The following ZC3H7B variants were observed in gnomAD, a reference collection of about 807,000 sequenced individuals.
The protein encoded by ZC3H7B is zinc finger CCCH domain-containing protein 7B.
In ZC3H7B, 35 loss-of-function variants were observed where a neutral mutation model predicts 116.0. The observed-to-expected ratio is 0.30, with a 90% CI of 0.23 to 0.40. The LOEUF is 0.40. Among genes scored for constraint, ZC3H7B ranks in the 10% least tolerant of loss-of-function variants. The probability of loss-of-function intolerance (pLI) is 1.00; values close to 1 mark genes in which losing one functional copy is unlikely to be tolerated. For missense variants in ZC3H7B, 1,011 were observed against 1,321.5 expected (o/e 0.77, Z 3.64); for synonymous variants, 502 against 545.6 (o/e 0.92, Z 1.11).
chr22:41,331,468 TG>T (rs1190725987), intron 6 of ZC3H7B, among the ~76,000 whole-genome samples: 1 of 143,228 alleles, frequency 7.0e-6, no homozygotes, highest in African/African-American at 2.6e-5. Flanking sequence ...GGCAGGAGAA[TG>T]GTGTGAACCC....
chr22:41,304,442 G>A (rs1039904254), intron 1 of ZC3H7B, among the ~76,000 whole-genome samples: 10 of 152,172 alleles, frequency 6.6e-5, no homozygotes, highest in African/African-American at 2.4e-4. Flanking sequence ...ATGCCTGTCT[G>A]CAAGTTACTT....
rs191811062 is a variant in ZC3H7B, at chr22:41,340,158, G to A, written c.1138+21G>A. ...CATGGGTAAGGCCATGGGTGGGCCC[G>A]TTCAACCTCCCTGGACAGGTTGCAC... On this transcript the variant is annotated intron_variant, in intron 10 of 22. Coordinates refer to ENST00000352645, the MANE Select transcript of ZC3H7B (RefSeq NM_017590.6). The A allele has an allele frequency of 3.3e-4, 523 of 1,578,352 alleles. No individual in the cohort carries two copies. The African/African-American group carries it at 6.1e-3, about 18-fold the overall frequency.
chr22:41,343,582 T>C lies in ZC3H7B; in HGVS notation c.1459+6T>C. On this transcript the variant is annotated splice_donor_region_variant and intron_variant, in intron 13 of 22. Coordinates refer to ENST00000352645, the MANE Select transcript of ZC3H7B (RefSeq NM_017590.6). ...CTCCTACTACCTGTGCAAAGGTGGG[T>C]GGGCTGCAGCGGGGCAGGCAGCACA... 8.2e-6 allele frequency: 13 copies of C among 1,591,374 alleles called. No individual in the cohort carries two copies. Among genetic ancestry groups the C allele is most frequent in the Non-Finnish European group, 1.0e-5 (12 of 1,164,936 alleles).
chr22:41,326,757 C>T (rs182381600), intron 4 of ZC3H7B, among the ~76,000 whole-genome samples: 152 of 152,350 alleles, frequency 1.0e-3, no homozygotes, highest in African/African-American at 3.6e-3. Flanking sequence ...TGCCATCCAG[C>T]GAACTCTTCT....
At chr22:41,335,877 G>C (rs536235574) in intron 7 of ZC3H7B, 2 of 152,984 alleles carry the variant, frequency 1.3e-5, no homozygotes, top group African/African-American at 4.8e-5. Flanking sequence ...ATGATACCTC[G>C]CAGGGCGCCT....
In ZC3H7B at chr22:41,346,226, ACTG is replaced by A; in HGVS notation, c.1665+20_1665+22del. The stretch of plus-strand genomic sequence containing the variant: ...TCTGCGAGGTACTGCCCACCCACCC[ACTG>A]CCACCCCATAGGCCATGGCACAGAC... On this transcript the variant is annotated intron_variant, in intron 14 of 22. Transcript: ENST00000352645. This position sits in a 1 kb window ranked among gnomAD's most constrained non-coding sequence, Gnocchi z 5.3. 6.2e-7 allele frequency: 1 copy of A among 1,605,224 alleles called. No individual in the cohort carries two copies.
chr22:41,345,825 C>G (rs1478296263), intron 13 of ZC3H7B, among the ~76,000 whole-genome samples, 178 bp from the exon 14 acceptor site: 1 of 152,090 alleles, frequency 6.6e-6, no homozygotes, highest in Non-Finnish European at 1.5e-5. Flanking sequence ...GACTTCCCAG[C>G]TCTGCCAAGT....
At chr22:41,336,843 CA>C (rs895756510) in intron 7 of ZC3H7B, 38 of 142,984 alleles carry the variant, frequency 2.7e-4, no homozygotes, top group Admixed American at 3.5e-4. Flanking sequence ...GACTCCATCT[CA>C]AAAAAAAAAA....
rs1484456363 is a variant in ZC3H7B, at chr22:41,358,333, G to C, written c.*904G>C. 6.6e-6 allele frequency: 1 copy of C among 152,384 alleles called. No homozygotes were observed. The highest frequency in any genetic ancestry group is 1.5e-5 in the Non-Finnish European group (1 of 68,188). 9.4% of individuals were successfully genotyped at this position (152,384 alleles called of 1,614,324 possible). On this transcript the variant is annotated 3_prime_UTR_variant, in exon 23 of 23. Transcript: ENST00000352645. ...GCAGCGCTGCCTGGGGGCTGGGGAG[G>C]GGAGGCCCAGAGGAGGGCTGGCCAT...
Position 41,339,150 on chromosome 22 carries a change from G to A in ZC3H7B, c.775G>A (p.Asp259Asn), listed in dbSNP as rs1304022333. The A allele has an allele frequency of 6.2e-7, 1 of 1,612,718 alleles. No individual in the cohort carries two copies. Among genetic ancestry groups the A allele is most frequent in the South Asian group, 1.1e-5 (1 of 90,608 alleles). Residue 259 changes from aspartate to asparagine, a missense_variant, in exon 9 of 23, where the codon GAT becomes AAT. This residue lies in a region of ZC3H7B where 322 missense variants were observed against 443.9 expected (regional missense o/e 0.73). Coordinates refer to ENST00000352645, the MANE Select transcript of ZC3H7B (RefSeq NM_017590.6). ...TDSLDDFSDG[D>N]VFGPELDTLL... The stretch of plus-strand genomic sequence containing the variant: ...CAGCCTGGATGACTTCTCAGACGGG[G>A]ATGTCTTTGGCCCAGAGCTGGACAC...
intron 7 of ZC3H7B, 102 bp downstream of exon 7, chr22:41,332,329 C>T: frequency 1.5e-6 from 2 of 1,376,374 alleles, no homozygotes; most frequent in Admixed American, 1.7e-5. Flanking sequence ...GGTCCAGGGG[C>T]CTCCGCCTCC....
chr22:41,338,418 G>A lies in ZC3H7B; in HGVS notation c.625+63G>A. ...GGCCCCGAGAGGTCAGGGGAGTCGA[G>A]CCCCCTCCCCATCCCAGCCCTGTAG... On this transcript the variant is annotated intron_variant, in intron 8 of 22. Transcript: ENST00000352645. The surrounding 1 kb of genome is among the most constrained non-coding windows in gnomAD (Gnocchi z 4.5). The A allele has an allele frequency of 1.3e-6, 2 of 1,561,622 alleles. No homozygotes were observed. Among genetic ancestry groups the A allele is most frequent in the African/African-American group, 1.4e-5 (1 of 74,062 alleles).
Position 41,349,265 on chromosome 22 carries a change from A to C in ZC3H7B, c.1912A>C (p.Ile638Leu). 6.2e-7 allele frequency: 1 copy of C among 1,613,742 alleles called. No individual in the cohort carries two copies. Among genetic ancestry groups the C allele is most frequent in the South Asian group, 1.1e-5 (1 of 91,082 alleles). ...EDSCHFAHSF[I>L]ELKVWLLQQY... ...CAGCTGCCACTTCGCCCACAGCTTC[A>C]TCGAGCTCAAGGTCTGGCTGCTGCA... is the stretch of plus-strand genomic sequence containing the variant. Residue 638 changes from isoleucine to leucine, a missense_variant, in exon 16 of 23, where the codon ATC (isoleucine) becomes CTC (leucine). Around this residue, in one of 5 missense-constraint regions of ZC3H7B, gnomAD observed 406 missense variants for 590.2 expected, o/e 0.69. Coordinates refer to ENST00000352645, the MANE Select transcript of ZC3H7B (RefSeq NM_017590.6). The surrounding 1 kb of genome is among the most constrained non-coding windows in gnomAD (Gnocchi z 4.9).
At chr22:41,318,856 C>T (rs1010650124) in intron 1 of ZC3H7B, among the ~76,000 whole-genome samples, 1 of 152,176 alleles carries the variant, frequency 6.6e-6, no homozygotes, top group African/African-American at 2.4e-5. Flanking sequence ...TTCTCAGATA[C>T]ACCAACAAGG....
intron 14 of ZC3H7B, among the ~76,000 whole-genome samples, chr22:41,347,204 C>T (rs1165758768): frequency 1.3e-5 from 2 of 152,194 alleles, no homozygotes; most frequent in Non-Finnish European, 2.9e-5. Context: ...AGGACACAGG[C>T]AGATTGAGGG....
intron 11 of ZC3H7B, among the ~76,000 whole-genome samples, chr22:41,341,930 C>T (rs1181034529): frequency 2.0e-5 from 3 of 151,734 alleles, no homozygotes; most frequent in East Asian, 3.9e-4. Context: ...GGTGTAGTGG[C>T]GGACACCTGT....
chr22:41,357,149 C>T lies in ZC3H7B; in HGVS notation c.2682-28C>T, dbSNP rs374647241. On this transcript the variant is annotated intron_variant, in intron 22 of 22. Coordinates refer to ENST00000352645, the MANE Select transcript of ZC3H7B (RefSeq NM_017590.6). The surrounding 1 kb of genome is among the most constrained non-coding windows in gnomAD (Gnocchi z 5.4). ...CCTGGGGTGGGAAGGGCACAGAGCT[C>T]GGGCAGTGAGCCTCCTGCCACCCAC... The T allele has an allele frequency of 2.1e-5, 34 of 1,608,500 alleles. No individual in the cohort carries two copies. The highest frequency in any genetic ancestry group is 5.0e-5 in the Admixed American group (3 of 59,874).
intron 1 of ZC3H7B, among the ~76,000 whole-genome samples, chr22:41,314,055 G>A (rs770585119): frequency 8.0e-5 from 12 of 150,476 alleles, no homozygotes; most frequent in East Asian, 2.0e-4. Context: ...GCGCCTGTCC[G>A]GCATCTTTTT....
At chr22:41,332,483 T>A in intron 7 of ZC3H7B, 6 of 464,802 alleles carry the variant, frequency 1.3e-5, no homozygotes, top group Non-Finnish European at 2.3e-5. Flanking sequence ...GGCAGCCTGG[T>A]CCCACACGCC....
Sources: gnomAD v4.1 joint callset for allele counts (sites outside exome capture counted in the v4.1 genomes callset) on GRCh38, gnomAD v4.1.1 for gene constraint, gnomAD v4.1.1 regional missense constraint, Gnocchi (gnomAD v3.1) non-coding constraint, MANE v1.5 for transcripts, NCBI Gene and HGNC (gene_info 2026-07-23, HGNC 2026-07-21) for gene names.